Variants in CLECL1 observed in about 807,000 individuals in gnomAD.
CLECL1 encodes the protein C-type lectin like 1, also known as C-type lectin-like domain family 1.
chr12:9,713,787 C>T (rs1159172589), downstream of CLECL1, among the ~76,000 whole-genome samples: 1 of 152,178 alleles, frequency 6.6e-6, no homozygotes, highest in Non-Finnish European at 1.5e-5. Flanking sequence ...GACAAGGGAG[C>T]AGTAAGCAAG....
downstream of CLECL1, among the ~76,000 whole-genome samples, chr12:9,719,176 T>C (rs1161168859): frequency 6.6e-6 from 1 of 152,148 alleles, no homozygotes; most frequent in East Asian, 1.9e-4. Context: ...GGCTCATGCC[T>C]GTAATAGCAA....
downstream of CLECL1, among the ~76,000 whole-genome samples, chr12:9,715,050 T>G (rs1866224680): frequency 6.6e-6 from 1 of 152,206 alleles, no homozygotes; most frequent in South Asian, 2.1e-4. Flanking sequence ...TGATTATCAA[T>G]TCTAAAGGGC....
chr12:9,726,586 AACT>A (rs1796197235), intron 3 of CLECL1, among the ~76,000 whole-genome samples: 1 of 152,008 alleles, frequency 6.6e-6, no homozygotes, highest in African/African-American at 2.4e-5. Context: ...TGAATAGATC[AACT>A]ACGTTTTACT....
At chr12:9,733,592 C>CTT (rs199812953), upstream of CLECL1, among the ~76,000 whole-genome samples, 1,378 of 152,178 alleles carry the variant, frequency 9.1e-3, 18 homozygotes, top group African/African-American at 0.031. Flanking sequence ...TTCCTGTATG[C>CTT]TTTATAATAT....
chr12:9,710,962 C>G (rs185151316), downstream of CLECL1, among the ~76,000 whole-genome samples: 1,249 of 152,304 alleles, frequency 8.2e-3, 12 homozygotes, highest in African/African-American at 0.025. Flanking sequence ...AGGCAAGAAC[C>G]TCAGGATACA....
chr12:9,715,655 T>C (rs1866230971), downstream of CLECL1, among the ~76,000 whole-genome samples: 1 of 152,292 alleles, frequency 6.6e-6, no homozygotes, highest in Non-Finnish European at 1.5e-5. Flanking sequence ...TCACAAATTT[T>C]TGGGTTTTTC....
chr12:9,712,295 G>A (rs758159957), downstream of CLECL1, among the ~76,000 whole-genome samples: 3 of 152,252 alleles, frequency 2.0e-5, no homozygotes, highest in East Asian at 1.9e-4. Flanking sequence ...TAAGTCTAAC[G>A]ATGTAAGTCT....
chr12:9,716,625 G>T, exon 3 of CLECL1: 1 of 322,762 alleles, frequency 3.1e-6, no homozygotes, highest in Non-Finnish European at 5.2e-6. Flanking sequence ...TCTTGCTCAA[G>T]CTGGGATATC....
chr12:9,729,012 C>CA (rs1329911735), intron 2 of CLECL1, among the ~76,000 whole-genome samples: 1 of 151,970 alleles, frequency 6.6e-6, no homozygotes, highest in African/African-American at 2.4e-5. Flanking sequence ...ATCTGTATAT[C>CA]ATCTCTGTTC....
At chr12:9,724,280 C>T (rs1451719296) in intron 3 of CLECL1, among the ~76,000 whole-genome samples, 1 of 151,798 alleles carries the variant, frequency 6.6e-6, no homozygotes, top group Non-Finnish European at 1.5e-5. Flanking sequence ...ACAGACTTCT[C>T]CATATAACTT....
intron 1 of CLECL1, among the ~76,000 whole-genome samples, chr12:9,731,312 A>G (rs976745974): frequency 2.6e-5 from 4 of 152,244 alleles, no homozygotes; most frequent in African/African-American, 9.6e-5. Context: ...TCAAGCATCT[A>G]TTAATTTCCT....
chr12:9,717,868 G>GTTTT (rs776897374), downstream of CLECL1, among the ~76,000 whole-genome samples: 16 of 149,046 alleles, frequency 1.1e-4, no homozygotes, highest in African/African-American at 4.0e-4. Flanking sequence ...TTCTTTTTCT[G>GTTTT]TTTTTTTTTC....
chr12:9,728,648 A>G (rs549301464), intron 2 of CLECL1, among the ~76,000 whole-genome samples: 1 of 151,946 alleles, frequency 6.6e-6, no homozygotes, highest in Non-Finnish European at 1.5e-5. Flanking sequence ...TAACAAGAAA[A>G]TCTATTGCCT....
downstream of CLECL1, among the ~76,000 whole-genome samples, chr12:9,720,113 C>T (rs1866291017): frequency 6.6e-6 from 1 of 152,090 alleles, no homozygotes; most frequent in Non-Finnish European, 1.5e-5. Context: ...CAGGTCTCTG[C>T]CCCTACCCTG....
At chr12:9,733,271 G>C (rs779546947), upstream of CLECL1, 16 of 1,575,298 alleles carry the variant, frequency 1.0e-5, no homozygotes, top group Non-Finnish European at 1.3e-5. Context: ...CCATACAGTA[G>C]GTTCTCGTTT....
At chr12:9,711,340 T>G (rs1186866730), downstream of CLECL1, among the ~76,000 whole-genome samples, 1 of 152,214 alleles carries the variant, frequency 6.6e-6, no homozygotes, top group Non-Finnish European at 1.5e-5. Context: ...AAGGTTGGTG[T>G]TCTGTTTCTA....
the CLECL1 span, among the ~76,000 whole-genome samples, chr12:9,706,706 G>T: frequency 1.3e-5 from 2 of 152,144 alleles, no homozygotes; most frequent in Non-Finnish European, 2.9e-5. Context: ...AGATGAAGCC[G>T]ACTTGATCGT....
At chr12:9,706,451 T>C in the CLECL1 span, among the ~76,000 whole-genome samples, 1 of 152,196 alleles carries the variant, frequency 6.6e-6, no homozygotes, top group African/African-American at 2.4e-5. Flanking sequence ...CAAGGGGAAT[T>C]CTTTGAGCTT....
intron 1 of CLECL1, among the ~76,000 whole-genome samples, chr12:9,732,413 C>T (rs1481761578): frequency 6.6e-6 from 1 of 152,186 alleles, no homozygotes; most frequent in East Asian, 1.9e-4. Flanking sequence ...TAGGCATATG[C>T]TTATCGCCTC....
Sources: allele counts gnomAD v4.1 joint callset (sites outside exome capture counted in the v4.1 genomes callset), GRCh38; gene constraint gnomAD v4.1.1; transcripts MANE v1.5; gene names NCBI Gene and HGNC (gene_info 2026-07-23, HGNC 2026-07-21).